REV3L: variants seen among roughly 807,000 people sequenced by gnomAD.
REV3L encodes REV3 like, DNA directed polymerase zeta catalytic subunit, also known as DNA polymerase zeta catalytic subunit.
REV3L carries 69 observed loss-of-function variants against 299.4 expected under a neutral mutation model. That is an observed-to-expected ratio of 0.23 (90% confidence interval 0.19 to 0.28). The LOEUF (loss-of-function observed/expected upper bound fraction) is 0.28. Ranked by LOEUF, REV3L falls within the 10% of genes least tolerant of loss-of-function variation. The pLI, the probability that REV3L is intolerant of heterozygous loss-of-function variation, is 1.00. For synonymous variants in REV3L, 1,238 were observed against 1,271.4 expected (o/e 0.97, Z 0.56); for missense variants, 3,128 against 3,693.8 (o/e 0.85, Z 3.97).
At chr6:111,336,400 T>C (rs1023756405) in intron 21 of REV3L, among the ~76,000 whole-genome samples, 14 of 152,126 alleles carry the variant, frequency 9.2e-5, no homozygotes, top group African/African-American at 3.4e-4. Context: ...TATAGTCACA[T>C]AATTGTCTAA....
At chr6:111,327,238 G>A (rs1582529613) in intron 25 of REV3L, among the ~76,000 whole-genome samples, 1 of 152,098 alleles carries the variant, frequency 6.6e-6, no homozygotes, top group African/African-American at 2.4e-5. Context: ...CCGAGAGGCA[G>A]GGAAGAAATT....
chr6:111,415,267 T>C (rs1784630666), intron 2 of REV3L, among the ~76,000 whole-genome samples: 1 of 152,024 alleles, frequency 6.6e-6, no homozygotes, highest in Non-Finnish European at 1.5e-5. Context: ...ATGCCAAATG[T>C]GAGAGAAAAT....
At chr6:111,363,401 G>T (rs1321397103) in intron 16 of REV3L, among the ~76,000 whole-genome samples, 1 of 152,026 alleles carries the variant, frequency 6.6e-6, no homozygotes, top group Non-Finnish European at 1.5e-5. Flanking sequence ...GAACTCCCAG[G>T]ATCAAGTGAT....
At chr6:111,359,681 T>C (rs962333812) in intron 16 of REV3L, among the ~76,000 whole-genome samples, 37 of 152,198 alleles carry the variant, frequency 2.4e-4, no homozygotes, top group African/African-American at 7.2e-4. Context: ...ACTGTAATTC[T>C]TAGTTTTCTT....
intron 2 of REV3L, among the ~76,000 whole-genome samples, chr6:111,412,855 C>T (rs1261841230): frequency 1.3e-5 from 2 of 151,824 alleles, no homozygotes; most frequent in African/African-American, 4.8e-5. Context: ...TCATACCATT[C>T]TTCCTTCTCC....
intron 7 of REV3L, 83 bp downstream of exon 7, chr6:111,389,023 T>C (rs967941947): frequency 3.0e-6 from 3 of 996,710 alleles, no homozygotes; most frequent in East Asian, 4.9e-5. Flanking sequence ...TAAAATCTAA[T>C]GTCAAAGGAA....
At chr6:111,322,994 CTT>C (rs780823778) in intron 25 of REV3L, among the ~76,000 whole-genome samples, 1 of 117,702 alleles carries the variant, frequency 8.5e-6, no homozygotes, top group Non-Finnish European at 2.1e-5. Flanking sequence ...TATTCAAGAA[CTT>C]TTTTTTTTTT....
At chr6:111,402,818 T>G (rs944972633) in intron 4 of REV3L, among the ~76,000 whole-genome samples, 1 of 152,170 alleles carries the variant, frequency 6.6e-6, no homozygotes, top group African/African-American at 2.4e-5. Context: ...GAAGTGTCAG[T>G]TTCATTTTAA....
Position 111,349,281 on chromosome 6 carries a change from T to G in REV3L, c.7356A>C (p.Thr2452=), listed in dbSNP as rs768703245. The G allele has an allele frequency of 2.9e-5, 46 of 1,609,462 alleles. No individual in the cohort carries two copies. Among genetic ancestry groups the G allele is most frequent in the Non-Finnish European group, 3.7e-5 (44 of 1,177,040 alleles). ...GGCCAACAATATTTATCTCACTCAT[T>G]GTATATGATCCATACTCATCTCTTT... The part of the protein sequence containing the change: ...AAERDEYGSY[T]MSEINIVGRI... Residue 2452 remains threonine, a synonymous_variant, in exon 20 of 32, where the codon ACA becomes ACC. Transcript: ENST00000368802.
chr6:111,437,562 T>A (rs996351241), intron 1 of REV3L, among the ~76,000 whole-genome samples: 1 of 151,628 alleles, frequency 6.6e-6, no homozygotes, highest in Non-Finnish European at 1.5e-5. Context: ...AGAAAAATTT[T>A]AAATATTATG....
At chr6:111,416,017 T>C (rs775592290) in intron 2 of REV3L, among the ~76,000 whole-genome samples, 12 of 152,186 alleles carry the variant, frequency 7.9e-5, no homozygotes, top group Non-Finnish European at 1.5e-4. Flanking sequence ...TAAGAAATAT[T>C]TGCTGAATAA....
chr6:111,371,710 C>G (rs1779812873), intron 13 of REV3L, among the ~76,000 whole-genome samples: 1 of 152,072 alleles, frequency 6.6e-6, no homozygotes, highest in Admixed American at 6.5e-5. Context: ...ATTACAGGCA[C>G]CTGCCACCAT....
chr6:111,335,446 C>T (rs892208859), intron 22 of REV3L, 23 bp downstream of exon 22: 64 of 1,601,804 alleles, frequency 4.0e-5, no homozygotes, highest in Non-Finnish European at 5.2e-5. Context: ...ACTTTCAAGT[C>T]TGCAAGAAAA....
chr6:111,451,768 A>G (rs1789573575), intron 1 of REV3L, among the ~76,000 whole-genome samples: 1 of 152,078 alleles, frequency 6.6e-6, no homozygotes, highest in African/African-American at 2.4e-5. Context: ...GACATAAACT[A>G]CAAGAAAACA....
chr6:111,352,045 T>C (rs1386460048), intron 18 of REV3L, among the ~76,000 whole-genome samples: 3 of 151,908 alleles, frequency 2.0e-5, no homozygotes, highest in African/African-American at 7.3e-5. Flanking sequence ...CTCACTCTGT[T>C]GTCCAGGCTG....
intron 3 of REV3L, among the ~76,000 whole-genome samples, chr6:111,408,260 TC>T (rs1783857368): frequency 6.6e-6 from 1 of 152,128 alleles, no homozygotes; most frequent in African/African-American, 2.4e-5. Flanking sequence ...AGAGCTTTAT[TC>T]CAGTGGTTCT....
intron 1 of REV3L, among the ~76,000 whole-genome samples, chr6:111,434,111 T>C (rs1345387728): frequency 2.0e-5 from 3 of 152,154 alleles, no homozygotes; most frequent in African/African-American, 7.2e-5. Flanking sequence ...ATTAAAAGCC[T>C]TTCCTCTAAG....
chr6:111,435,295 G>A (rs753893855), intron 1 of REV3L, among the ~76,000 whole-genome samples: 76 of 152,068 alleles, frequency 5.0e-4, no homozygotes, highest in Non-Finnish European at 1.0e-3. Flanking sequence ...GTTCTTCACA[G>A]AAATAGAAAA....
chr6:111,337,826 C>T (rs979767698), intron 21 of REV3L, among the ~76,000 whole-genome samples: 5 of 152,004 alleles, frequency 3.3e-5, no homozygotes, highest in Non-Finnish European at 7.4e-5. Flanking sequence ...CAGATCAGTC[C>T]CTTTAAAATA....
Sources: allele counts gnomAD v4.1 joint callset (sites outside exome capture counted in the v4.1 genomes callset), GRCh38; gene constraint gnomAD v4.1.1; transcripts MANE v1.5; gene names NCBI Gene and HGNC (gene_info 2026-07-23, HGNC 2026-07-21).